The following NTNG1 variants were observed in gnomAD, a reference collection of about 807,000 sequenced individuals.
NTNG1 encodes the protein netrin G1.
Under a neutral mutation model 54.0 loss-of-function variants are expected in NTNG1, and 16 were observed. That is an observed-to-expected ratio of 0.30 (90% CI 0.20 to 0.45). The LOEUF (loss-of-function observed/expected upper bound fraction) is 0.45, where lower values mean the gene tolerates loss of function less well. Ranked by LOEUF, NTNG1 falls within the 20% of genes least tolerant of loss-of-function variation. The probability of loss-of-function intolerance (pLI) is 1.00; values close to 1 mark genes in which losing one functional copy is unlikely to be tolerated. For synonymous variants in NTNG1, 255 were observed against 263.1 expected (o/e 0.97, Z 0.30); for missense variants, 530 against 678.7 (o/e 0.78, Z 2.43).
intron 2 of NTNG1, among the ~76,000 whole-genome samples, chr1:107,319,795 T>A (rs1305704043): frequency 6.6e-6 from 1 of 151,714 alleles, no homozygotes; most frequent in African/African-American, 2.4e-5. Context: ...TGCCCATAGG[T>A]AAAGCTTGGA....
At chr1:107,148,943 C>A in intron 2 of NTNG1, 104 bp downstream of exon 2, 1 of 1,153,962 alleles carries the variant, frequency 8.7e-7, no homozygotes, top group Non-Finnish European at 1.2e-6. Flanking sequence ...TAAGTTGAAT[C>A]TGCAGGTGGC....
intron 2 of NTNG1, among the ~76,000 whole-genome samples, chr1:107,290,279 C>A (rs567677408): frequency 8.5e-4 from 130 of 152,274 alleles, no homozygotes; most frequent in Non-Finnish European, 1.6e-3. Flanking sequence ...TTAACTTACT[C>A]ATGGCTTGAG....
At chr1:107,264,298 G>A (rs1663585100) in intron 2 of NTNG1, among the ~76,000 whole-genome samples, 1 of 152,088 alleles carries the variant, frequency 6.6e-6, no homozygotes, top group African/African-American at 2.4e-5. Flanking sequence ...TCGATCATCT[G>A]ACCTCCCACA....
At chr1:107,368,048 G>A (rs373570122) in intron 3 of NTNG1, among the ~76,000 whole-genome samples, 1 of 152,064 alleles carries the variant, frequency 6.6e-6, no homozygotes, top group Non-Finnish European at 1.5e-5. Context: ...ATGAGCCACC[G>A]TGCCCGGCCT....
chr1:107,172,981 C>T (rs1450910673), intron 2 of NTNG1, among the ~76,000 whole-genome samples: 1 of 152,136 alleles, frequency 6.6e-6, no homozygotes, highest in African/African-American at 2.4e-5. Context: ...GAAATCACCT[C>T]ATTCAGAAGA....
chr1:107,417,307 A>G (rs985508758), intron 5 of NTNG1, among the ~76,000 whole-genome samples: 10 of 152,076 alleles, frequency 6.6e-5, no homozygotes, highest in African/African-American at 2.4e-4. Flanking sequence ...AGAGAGCAAC[A>G]TTTCTGTTGG....
chr1:107,343,154 A>G (rs1156634834), intron 3 of NTNG1, among the ~76,000 whole-genome samples: 1 of 152,162 alleles, frequency 6.6e-6, no homozygotes, highest in Non-Finnish European at 1.5e-5. Flanking sequence ...CACTGGTGAC[A>G]GTATAAAACA....
At chr1:107,271,756 A>G (rs1664159302) in intron 2 of NTNG1, among the ~76,000 whole-genome samples, 1 of 152,206 alleles carries the variant, frequency 6.6e-6, no homozygotes, top group Non-Finnish European at 1.5e-5. Context: ...AAAAAATTCT[A>G]CTAATCAGAG....
intron 3 of NTNG1, 98 bp downstream of exon 3, chr1:107,325,020 T>A: frequency 8.0e-7 from 1 of 1,247,142 alleles, no homozygotes; most frequent in Non-Finnish European, 1.1e-6. Context: ...CAATTTCTAC[T>A]GCAACGTTTT....
chr1:107,441,986 T>C (rs1452358210), intron 7 of NTNG1, among the ~76,000 whole-genome samples: 3 of 152,114 alleles, frequency 2.0e-5, no homozygotes, highest in Non-Finnish European at 4.4e-5. Flanking sequence ...AGAAAGGTAT[T>C]GTGAGAGCAT....
chr1:107,416,617 T>C (rs28522856), intron 5 of NTNG1, among the ~76,000 whole-genome samples: 66,250 of 151,902 alleles, frequency 0.44, 14,699 homozygotes, highest in Middle Eastern at 0.51. Flanking sequence ...CAGACAAATA[T>C]TTAAAATATT....
At chr1:107,374,564 G>T (rs1671115022) in intron 3 of NTNG1, among the ~76,000 whole-genome samples, 1 of 151,540 alleles carries the variant, frequency 6.6e-6, no homozygotes, top group Admixed American at 6.6e-5. Context: ...AGTTCAATTT[G>T]GGTCTTTTAA....
intron 2 of NTNG1, among the ~76,000 whole-genome samples, chr1:107,252,847 T>TA (rs754479879): frequency 6.6e-5 from 10 of 152,216 alleles, no homozygotes; most frequent in Non-Finnish European, 1.0e-4. Flanking sequence ...TCAAAGATAA[T>TA]AACTTAGAAT....
intron 2 of NTNG1, among the ~76,000 whole-genome samples, chr1:107,309,002 G>A (rs1370985717): frequency 9.3e-6 from 1 of 107,304 alleles, no homozygotes; most frequent in Admixed American, 1.2e-4. Flanking sequence ...TGTATTATTG[G>A]TTCTTTCTTT....
At chr1:107,268,527 A>G (rs1663913137) in intron 2 of NTNG1, among the ~76,000 whole-genome samples, 1 of 141,942 alleles carries the variant, frequency 7.0e-6, no homozygotes, top group African/African-American at 2.7e-5. Flanking sequence ...GTTTCCCCTT[A>G]TCCCCCAACC....
chr1:107,231,400 T>C (rs947001761), intron 2 of NTNG1, among the ~76,000 whole-genome samples: 1 of 152,168 alleles, frequency 6.6e-6, no homozygotes, highest in African/African-American at 2.4e-5. Flanking sequence ...CTGAATGCCA[T>C]TTACTGCGGT....
chr1:107,316,741 C>A (rs1031231732), intron 2 of NTNG1, among the ~76,000 whole-genome samples: 11 of 152,148 alleles, frequency 7.2e-5, no homozygotes, highest in African/African-American at 2.4e-4. Flanking sequence ...GCATGAGCAA[C>A]CCATTTGAGA....
intron 2 of NTNG1, among the ~76,000 whole-genome samples, chr1:107,312,888 C>G (rs1481858433): frequency 6.6e-6 from 1 of 152,126 alleles, no homozygotes; most frequent in Non-Finnish European, 1.5e-5. Flanking sequence ...AATAGAAATA[C>G]CTTTTTTTTT....
rs1553205325 is a variant in NTNG1, at chr1:107,227,688, T to TCA, written c.246+78860_246+78861dup. ...CTCGCTCTCTCTCTCTCTCTCTCTCTCACACACACACATACACACACACAC... is the reference window on the plus strand; with the variant it reads ...CTCGCTCTCTCTCTCTCTCTCTCTCTCACACACACACACATACACACACACAC... On this transcript the variant is annotated intron_variant, in intron 2 of 7. Coordinates refer to ENST00000370068, the MANE Select transcript of NTNG1 (RefSeq NM_001113226.3). 1.8e-3 allele frequency among the ~76,000 whole-genome samples: 273 copies of TCA among 148,924 alleles called. 2 individuals are homozygous for TCA. The highest frequency in any genetic ancestry group is 0.013 in the East Asian group (63 of 5,024).
Sources: gnomAD v4.1 joint callset for allele counts (sites outside exome capture counted in the v4.1 genomes callset) on GRCh38, gnomAD v4.1.1 for gene constraint, MANE v1.5 for transcripts, NCBI Gene and HGNC (gene_info 2026-07-23, HGNC 2026-07-21) for gene names.